The following ACAD11 variants were observed in gnomAD, a reference collection of about 807,000 sequenced individuals.
ACAD11 encodes acyl-CoA dehydrogenase family member 11, also known as acyl-Coenzyme A dehydrogenase family, member 11.
A neutral mutation model predicts 102.2 loss-of-function variants in ACAD11; 83 were observed. That is an observed-to-expected ratio of 0.81 (90% CI 0.68 to 0.97). The LOEUF is 0.97. Among genes scored for constraint, ACAD11 ranks in the 50% least tolerant of loss-of-function variants. The pLI is 0.00. For synonymous variants in ACAD11, 324 were observed against 319.8 expected (o/e 1.01, Z -0.14); for missense variants, 901 against 951.7 (o/e 0.95, Z 0.70).
chr3:132,605,151 T>C lies in ACAD11; in HGVS notation c.1469A>G (p.Gln490Arg), dbSNP rs1938787968. Reference protein sequence around the residue: ...HLYGSEEQKKQWLEPLLQGNI... With the variant: ...HLYGSEEQKKRWLEPLLQGNI... ...CCCTTGAAGAAGAGGCTCAAGCCAC[T>C]GTTTCTTCTGTTCCTCACTTCCATA... Residue 490 changes from glutamine (Q) to arginine (R), a missense_variant, in exon 12 of 20, where the codon CAG becomes CGG. Coordinates refer to ENST00000264990, the MANE Select transcript of ACAD11 (RefSeq NM_032169.5). 6.8e-6 allele frequency: 11 copies of C among 1,613,670 alleles called. No homozygotes were observed. The highest frequency in any genetic ancestry group is 9.3e-6 in the Non-Finnish European group (11 of 1,179,730).
At position 132,644,847 on chromosome 3, in the gene ACAD11, A is replaced by G; in HGVS notation, c.199T>C (p.Tyr67His). ...CCTGGTGGTTTTTTCCTGAGCACAT[A>G]TGTTTGAAAGCCCTTCTGGAGATAA... ...TFYLQKGFQT[Y>H]VLRKKPPGSL... The change falls in exon 2 of 20, where the codon TAT becomes CAT. Residue 67 changes from tyrosine to histidine, a missense_variant. Tyr to His is a moderately conservative substitution (Grantham distance 83). Transcript: ENST00000264990. The G allele has an allele frequency of 6.2e-7, 1 of 1,613,090 alleles. No individual in the cohort carries two copies. The highest frequency in any genetic ancestry group is 1.1e-5 in the South Asian group (1 of 90,934).
intron 13 of ACAD11, among the ~76,000 whole-genome samples, chr3:132,599,800 T>A (rs1271064392): frequency 1.3e-5 from 2 of 152,054 alleles, no homozygotes; most frequent in African/African-American, 4.8e-5. Flanking sequence ...TGGAGGGAAG[T>A]TGGCTAAAGG....
chr3:132,559,379 A>G (rs1207692820), intron 19 of ACAD11, among the ~76,000 whole-genome samples: 1 of 152,120 alleles, frequency 6.6e-6, no homozygotes, highest in African/African-American at 2.4e-5. Context: ...CTGGTATGAT[A>G]CTATATATTT....
At position 132,639,647 on chromosome 3, in the gene ACAD11, A is replaced by G. The variant is rs777124294; in HGVS notation, c.547T>C (p.Trp183Arg). The G allele has an allele frequency of 6.2e-7, 1 of 1,612,502 alleles. No homozygotes were observed. Among genetic ancestry groups the G allele is most frequent in the South Asian group, 1.1e-5 (1 of 90,610 alleles). ...AGYCKRQVSTWTKQYQAAAHQ... is the reference protein window; with the variant it reads ...AGYCKRQVSTRTKQYQAAAHQ... Reference sequence around the variant, plus strand: ...GCTGCAGCTTGATATTGCTTTGTCCAGGTTGATACCTAAAGACATATAAAT... The same window carrying G: ...GCTGCAGCTTGATATTGCTTTGTCCGGGTTGATACCTAAAGACATATAAAT... Residue 183 changes from tryptophan to arginine, a missense_variant, in exon 5 of 20, where the codon TGG (tryptophan) becomes CGG (arginine). Transcript: ENST00000264990.
intron 15 of ACAD11, among the ~76,000 whole-genome samples, chr3:132,577,316 A>G (rs1337830567): frequency 6.6e-6 from 1 of 152,174 alleles, no homozygotes; most frequent in Non-Finnish European, 1.5e-5. Flanking sequence ...AGAGTATTTT[A>G]TTTGTTTTAT....
chr3:132,577,925 C>T (rs908233028), intron 15 of ACAD11, among the ~76,000 whole-genome samples: 35 of 152,334 alleles, frequency 2.3e-4, no homozygotes, highest in African/African-American at 8.2e-4. Context: ...CTCCAGCAAG[C>T]TTGCTCATCC....
intron 12 of ACAD11, among the ~76,000 whole-genome samples, chr3:132,604,612 ATC>A (rs1471946462): frequency 1.1e-4 from 16 of 152,182 alleles, no homozygotes; most frequent in Non-Finnish European, 2.2e-4. Flanking sequence ...ATGATATTAA[ATC>A]TGTTTTTATT....
At chr3:132,610,191 A>G (rs1156786703) in intron 11 of ACAD11, among the ~76,000 whole-genome samples, 1 of 152,204 alleles carries the variant, frequency 6.6e-6, no homozygotes, top group African/African-American at 2.4e-5. Context: ...CCAAAGCTGG[A>G]AGCACTCCCT....
At chr3:132,588,210 T>G (rs995939971) in intron 13 of ACAD11, among the ~76,000 whole-genome samples, 1 of 152,112 alleles carries the variant, frequency 6.6e-6, no homozygotes, top group Admixed American at 6.6e-5. Flanking sequence ...TGTATGTATG[T>G]ATGTATGTAT....
At chr3:132,594,236 C>A (rs1938205736) in intron 13 of ACAD11, among the ~76,000 whole-genome samples, 1 of 152,040 alleles carries the variant, frequency 6.6e-6, no homozygotes, top group Non-Finnish European at 1.5e-5. Flanking sequence ...AGCATTACAA[C>A]CGATTTGCAA....
intron 11 of ACAD11, among the ~76,000 whole-genome samples, chr3:132,606,942 G>A (rs886457763): frequency 6.6e-6 from 1 of 152,216 alleles, no homozygotes; most frequent in African/African-American, 2.4e-5. Flanking sequence ...GGAACAGGCA[G>A]CAATCTTTGC....
chr3:132,580,425 A>C (rs1175456177), intron 13 of ACAD11, among the ~76,000 whole-genome samples: 1 of 152,064 alleles, frequency 6.6e-6, no homozygotes, highest in Non-Finnish European at 1.5e-5. Flanking sequence ...CAGTTTCTTC[A>C]ACAATTAAAT....
intron 11 of ACAD11, among the ~76,000 whole-genome samples, chr3:132,607,206 A>T (rs1409276576): frequency 6.6e-6 from 1 of 152,202 alleles, no homozygotes; most frequent in Non-Finnish European, 1.5e-5. Flanking sequence ...AAAAACCAGA[A>T]TGCCTCTTCT....
intron 6 of ACAD11, 115 bp from the exon 7 acceptor site, chr3:132,630,673 C>A: frequency 1.3e-6 from 1 of 789,806 alleles, no homozygotes; most frequent in Non-Finnish European, 1.9e-6. Flanking sequence ...TTAGCCCTTA[C>A]AACAAAACAT....
In ACAD11 at chr3:132,628,450, T is replaced by G; in HGVS notation, c.964-4A>C. 1.9e-6 allele frequency: 3 copies of G among 1,548,708 alleles called. No individual in the cohort carries two copies. In the South Asian group the frequency reaches 3.5e-5, roughly 18 times the overall value. ...GAAGATATCTGCTATATACTCCCTA[T>G]AAATAAACATAGAACAATTAAAATT... is the stretch of plus-strand genomic sequence containing the variant. On this transcript the variant is annotated splice_polypyrimidine_tract_variant and splice_region_variant and intron_variant, in intron 7 of 19. Coordinates refer to ENST00000264990, the MANE Select transcript of ACAD11 (RefSeq NM_032169.5).
chr3:132,629,025 T>TTA (rs1208133177), intron 7 of ACAD11, among the ~76,000 whole-genome samples: 1 of 152,238 alleles, frequency 6.6e-6, no homozygotes, highest in Non-Finnish European at 1.5e-5. Context: ...ATATAATTCC[T>TTA]TATATAATAA....
chr3:132,624,303 C>T (rs1021426071), intron 9 of ACAD11, among the ~76,000 whole-genome samples: 15 of 144,788 alleles, frequency 1.0e-4, no homozygotes, highest in South Asian at 8.9e-4. Flanking sequence ...GACCCTGTCT[C>T]TTGAAGGAAA....
intron 1 of ACAD11, among the ~76,000 whole-genome samples, chr3:132,656,234 A>C (rs1937794520): frequency 6.6e-6 from 1 of 152,186 alleles, no homozygotes; most frequent in African/African-American, 2.4e-5. Flanking sequence ...CTGTATCTAT[A>C]GACATTGTGT....
chr3:132,588,435 AG>A (rs752772457), intron 13 of ACAD11, among the ~76,000 whole-genome samples: 5 of 152,198 alleles, frequency 3.3e-5, no homozygotes, highest in Admixed American at 2.0e-4. Context: ...CAAATATATG[AG>A]TTTTATTTAT....
Sources: allele counts gnomAD v4.1 joint callset (sites outside exome capture counted in the v4.1 genomes callset), GRCh38; gene constraint gnomAD v4.1.1; transcripts MANE v1.5; gene names NCBI Gene and HGNC (gene_info 2026-07-23, HGNC 2026-07-21).